GALNT17: variants seen among roughly 807,000 people sequenced by gnomAD.
GALNT17 encodes UDP-GalNAc:polypeptide N-acetylgalactosaminyltransferase-like 3.
GALNT17 carries 29 observed loss-of-function variants against 63.7 expected under a neutral mutation model. The ratio of observed to expected loss-of-function variants is 0.46; its 90% CI spans 0.34 to 0.62. The LOEUF is 0.62. GALNT17 is among the 20% of genes least tolerant of loss of function. GALNT17 has a pLI of 0.01. For missense variants in GALNT17, 603 were observed against 799.6 expected (o/e 0.75, Z 2.97); for synonymous variants, 305 against 318.3 (o/e 0.96, Z 0.45).
At chr7:71,566,896 T>C (rs998802938) in intron 5 of GALNT17, among the ~76,000 whole-genome samples, 1 of 152,054 alleles carries the variant, frequency 6.6e-6, no homozygotes, top group African/African-American at 2.4e-5. Context: ...CCCACGTCCA[T>C]GTAGTCTCCA....
At chr7:71,265,118 A>ATTTT (rs60738546) in intron 1 of GALNT17, among the ~76,000 whole-genome samples, 21 of 37,452 alleles carry the variant, frequency 5.6e-4, no homozygotes, top group South Asian at 1.2e-3. Context: ...ATATATATAT[A>ATTTT]TTTTTTTTTT....
intron 5 of GALNT17, among the ~76,000 whole-genome samples, chr7:71,565,391 T>TCCCTCTGTGTGCTC (rs1562693040): frequency 1.3e-5 from 2 of 151,996 alleles, no homozygotes; most frequent in South Asian, 4.2e-4. Context: ...GAGCTTCTGA[T>TCCCTCTGTGTGCTC]CCCTCTGTCT....
chr7:71,278,609 C>G (rs919157755), intron 1 of GALNT17, among the ~76,000 whole-genome samples: 9 of 152,174 alleles, frequency 5.9e-5, no homozygotes, highest in African/African-American at 2.2e-4. Context: ...TTCTGCAGGG[C>G]TGGGGAGGCC....
chr7:71,274,244 A>G (rs1387568273), intron 1 of GALNT17, among the ~76,000 whole-genome samples: 2 of 152,072 alleles, frequency 1.3e-5, no homozygotes, highest in Admixed American at 6.5e-5. Flanking sequence ...TCAGCACACC[A>G]CTCATTTTGA....
At chr7:71,252,063 C>T (rs1038343635) in intron 1 of GALNT17, among the ~76,000 whole-genome samples, 2 of 152,186 alleles carry the variant, frequency 1.3e-5, no homozygotes, top group South Asian at 2.1e-4. Flanking sequence ...ATTGTCCTTC[C>T]GACATGGGAC....
chr7:71,388,644 A>G (rs1200666037), intron 3 of GALNT17, among the ~76,000 whole-genome samples: 1 of 151,904 alleles, frequency 6.6e-6, no homozygotes, highest in African/African-American at 2.4e-5. Flanking sequence ...CTCCTACCTC[A>G]GCCTCCCGAG....
chr7:71,221,153 GC>G (rs1307384773), intron 1 of GALNT17, among the ~76,000 whole-genome samples: 4 of 152,058 alleles, frequency 2.6e-5, no homozygotes, highest in African/African-American at 9.7e-5. Context: ...CAGCCCTGGA[GC>G]CCCTAGTGGG....
At chr7:71,417,704 T>G (rs1786565629) in intron 4 of GALNT17, among the ~76,000 whole-genome samples, 1 of 152,194 alleles carries the variant, frequency 6.6e-6, no homozygotes, top group South Asian at 2.1e-4. Flanking sequence ...TGAAAAAGAT[T>G]CAGGCGAATG....
intron 5 of GALNT17, among the ~76,000 whole-genome samples, chr7:71,528,778 A>G (rs34803276): frequency 0.47 from 70,953 of 152,024 alleles, 18,346 homozygotes; most frequent in Non-Finnish European, 0.6. Flanking sequence ...AATGATTGAA[A>G]TAAAGTAAAA....
chr7:71,519,904 AG>A (rs1192377042), intron 5 of GALNT17, among the ~76,000 whole-genome samples: 1 of 152,222 alleles, frequency 6.6e-6, no homozygotes, highest in Non-Finnish European at 1.5e-5. Context: ...AAGTTAATTC[AG>A]GATATATGAA....
chr7:71,377,992 C>T (rs899761759), intron 2 of GALNT17, among the ~76,000 whole-genome samples: 3 of 152,190 alleles, frequency 2.0e-5, no homozygotes, highest in Non-Finnish European at 4.4e-5. Flanking sequence ...TGTGTGAAAA[C>T]GGACTCATAC....
intron 2 of GALNT17, among the ~76,000 whole-genome samples, chr7:71,345,285 C>T (rs1792072209): frequency 6.6e-6 from 1 of 152,048 alleles, no homozygotes; most frequent in South Asian, 2.1e-4. Context: ...AAAGCCACTG[C>T]TGAGATCCCC....
At chr7:71,491,165 G>T (rs1305367334) in intron 5 of GALNT17, among the ~76,000 whole-genome samples, 2 of 152,154 alleles carry the variant, frequency 1.3e-5, no homozygotes, top group Non-Finnish European at 2.9e-5. Flanking sequence ...TTGCACTCCA[G>T]CCTGGGCAAC....
chr7:71,159,757 A>G (rs1788306866), intron 1 of GALNT17, among the ~76,000 whole-genome samples: 1 of 149,782 alleles, frequency 6.7e-6, no homozygotes, highest in Admixed American at 6.7e-5. Flanking sequence ...CGCTGGTGTC[A>G]GTTAAGAGAG....
intron 7 of GALNT17, among the ~76,000 whole-genome samples, chr7:71,669,687 G>C (rs1002442546): frequency 1.5e-4 from 23 of 151,034 alleles, no homozygotes; most frequent in African/African-American, 5.6e-4. Context: ...TCAGCCTCCT[G>C]AGTAGCTGAG....
intron 6 of GALNT17, among the ~76,000 whole-genome samples, chr7:71,600,792 G>A (rs1789956153): frequency 6.6e-6 from 1 of 151,820 alleles, no homozygotes. Context: ...AAGTTATTGG[G>A]GTACAGGTGG....
At position 71,676,156 on chromosome 7, in the gene GALNT17, C is replaced by A. The variant is rs77803323; in HGVS notation, c.1405-1055C>A. Among the ~76,000 whole-genome samples, 663 of 152,190 alleles carry A rather than the reference C, an allele frequency of 4.4e-3. 23 individuals carry two copies. Among genetic ancestry groups the A allele is most frequent in the Admixed American group, 0.029 (450 of 15,266 alleles). On this transcript the variant is annotated intron_variant, in intron 8 of 10. Transcript: ENST00000333538. ...TGGTGGGATGGATACCCATATAGAT[C>A]ACAGTGCACCCAGAGATCCAAATTA...
chr7:71,461,419 A>C (rs1787448248), intron 5 of GALNT17, among the ~76,000 whole-genome samples: 1 of 152,194 alleles, frequency 6.6e-6, no homozygotes, highest in Admixed American at 6.5e-5. Context: ...TCATTAAGAA[A>C]CCAAGTACCT....
At chr7:71,187,876 C>T (rs903882194) in intron 1 of GALNT17, among the ~76,000 whole-genome samples, 1 of 152,316 alleles carries the variant, frequency 6.6e-6, no homozygotes, top group South Asian at 2.1e-4. Flanking sequence ...TTGTAGTCTT[C>T]CCACCCTTTC....
Sources: gnomAD v4.1 joint callset for allele counts (sites outside exome capture counted in the v4.1 genomes callset) on GRCh38, gnomAD v4.1.1 for gene constraint, MANE v1.5 for transcripts, NCBI Gene and HGNC (gene_info 2026-07-23, HGNC 2026-07-21) for gene names.